Variants in STT3B observed in about 807,000 individuals in gnomAD.
STT3B encodes dolichyl-diphosphooligosaccharide--protein glycosyltransferase subunit STT3B.
STT3B carries 29 observed loss-of-function variants against 96.8 expected under a neutral mutation model. The observed-to-expected ratio is 0.30, with a 90% CI of 0.22 to 0.41. STT3B has a LOEUF of 0.41. Among genes scored for constraint, STT3B ranks in the 10% least tolerant of loss-of-function variants. The probability of loss-of-function intolerance (pLI) is 1.00; values close to 1 mark genes in which losing one functional copy is unlikely to be tolerated. For missense variants in STT3B, 640 were observed against 1,022.3 expected (o/e 0.63, Z 5.10); for synonymous variants, 367 against 360.0 (o/e 1.02, Z -0.22).
At chr3:31,593,069 TG>T (rs1378556876) in intron 3 of STT3B, among the ~76,000 whole-genome samples, 2 of 152,230 alleles carry the variant, frequency 1.3e-5, no homozygotes, top group African/African-American at 4.8e-5. Context: ...GTGCAATTAT[TG>T]TCTAGGTGGG....
intron 1 of STT3B, chr3:31,533,571 C>T (rs1457319026): frequency 4.3e-5 from 13 of 304,894 alleles, no homozygotes; most frequent in South Asian, 1.2e-4. Context: ...TGAAGACTGC[C>T]AGGAGTGTGG....
At chr3:31,569,244 A>C (rs1322517787) in intron 1 of STT3B, among the ~76,000 whole-genome samples, 1 of 152,092 alleles carries the variant, frequency 6.6e-6, no homozygotes, top group Non-Finnish European at 1.5e-5. Flanking sequence ...CTCCTGCCTC[A>C]GGCTCCCAAG....
At chr3:31,590,513 G>A (rs944507760) in intron 3 of STT3B, among the ~76,000 whole-genome samples, 11 of 151,724 alleles carry the variant, frequency 7.3e-5, no homozygotes, top group African/African-American at 2.4e-4. Flanking sequence ...AATATTCTTC[G>A]AATTCATAGT....
At chr3:31,589,697 T>G (rs547872003) in intron 3 of STT3B, among the ~76,000 whole-genome samples, 2 of 152,162 alleles carry the variant, frequency 1.3e-5, no homozygotes, top group Non-Finnish European at 1.5e-5. Flanking sequence ...TGATCATATA[T>G]TCTGTGACCT....
At chr3:31,578,518 A>T (rs1471726111) in intron 2 of STT3B, among the ~76,000 whole-genome samples, 1 of 151,450 alleles carries the variant, frequency 6.6e-6, no homozygotes, top group Non-Finnish European at 1.5e-5. Context: ...TATTATATGG[A>T]TATATTGTCT....
intron 1 of STT3B, among the ~76,000 whole-genome samples, chr3:31,557,460 G>T (rs1395130808): frequency 6.6e-6 from 1 of 151,896 alleles, no homozygotes; most frequent in Non-Finnish European, 1.5e-5. Flanking sequence ...ATACTGCTTT[G>T]GGCAGTATGC....
intron 1 of STT3B, among the ~76,000 whole-genome samples, chr3:31,575,979 A>C (rs1371598888): frequency 6.6e-6 from 1 of 151,660 alleles, no homozygotes; most frequent in African/African-American, 2.4e-5. Context: ...GCTATGGTTT[A>C]TTCTCTTTAT....
rs188656509 is a variant in STT3B, at chr3:31,542,316, G to A, written c.314+9004G>A. Among the ~76,000 whole-genome samples the A allele has an allele frequency of 4.6e-5, 7 of 152,324 alleles. No homozygotes were observed. The East Asian group carries it at 1.4e-3, about 29-fold the overall frequency. On this transcript the variant is annotated intron_variant, in intron 1 of 15. Transcript: ENST00000295770. ...CAGGAAAGAGAATACTGGAACTGGA[G>A]GTCTGAGCTGAGGAATTTAGGAAAA...
chr3:31,551,681 T>C (rs1377377324), intron 1 of STT3B, among the ~76,000 whole-genome samples: 1 of 152,206 alleles, frequency 6.6e-6, no homozygotes, highest in South Asian at 2.1e-4. Context: ...TTTGTAAATC[T>C]TTACAGAAAG....
intron 3 of STT3B, among the ~76,000 whole-genome samples, chr3:31,594,291 T>G (rs1698736285): frequency 6.6e-6 from 1 of 152,164 alleles, no homozygotes; most frequent in East Asian, 1.9e-4. Context: ...ACTGTCTGTC[T>G]GGAGATAGCA....
intron 1 of STT3B, among the ~76,000 whole-genome samples, chr3:31,547,806 T>G (rs1327988367): frequency 6.6e-6 from 1 of 152,168 alleles, no homozygotes; most frequent in Non-Finnish European, 1.5e-5. Context: ...ACCTTCAAAT[T>G]AGGAAGATTT....
chr3:31,579,271 C>A (rs1380080969), intron 2 of STT3B, among the ~76,000 whole-genome samples: 1 of 151,956 alleles, frequency 6.6e-6, no homozygotes, highest in Non-Finnish European at 1.5e-5. Flanking sequence ...CCTAGCTAGA[C>A]TGTTCCCTCT....
chr3:31,573,499 A>G (rs941144663), intron 1 of STT3B, among the ~76,000 whole-genome samples: 2 of 152,234 alleles, frequency 1.3e-5, no homozygotes, highest in East Asian at 1.9e-4. Flanking sequence ...GGAAGTGACA[A>G]CCTTGTTATG....
At chr3:31,601,967 G>A (rs1171696648) in intron 5 of STT3B, among the ~76,000 whole-genome samples, 2 of 152,110 alleles carry the variant, frequency 1.3e-5, no homozygotes, top group Non-Finnish European at 2.9e-5. Context: ...TGGCTTTAAA[G>A]CCTGTAATGA....
chr3:31,618,038 T>C (rs1699347581), intron 8 of STT3B, 50 bp downstream of exon 8: 2 of 1,257,570 alleles, frequency 1.6e-6, no homozygotes, highest in African/African-American at 3.0e-5. Context: ...ATACTGCTTT[T>C]CCTTTGTTTT....
chr3:31,547,654 G>T (rs993564046), intron 1 of STT3B, among the ~76,000 whole-genome samples: 14 of 152,158 alleles, frequency 9.2e-5, no homozygotes, highest in African/African-American at 3.1e-4. Context: ...TCAGAAGAAC[G>T]CTGTAGGCAC....
At chr3:31,596,981 C>A in intron 4 of STT3B, 118 bp downstream of exon 4, 1 of 753,106 alleles carries the variant, frequency 1.3e-6, no homozygotes, top group Non-Finnish European at 2.2e-6. Context: ...TTCATTACTA[C>A]CATCCTCTTT....
chr3:31,534,448 TA>T (rs1697035148), intron 1 of STT3B, among the ~76,000 whole-genome samples: 1 of 152,218 alleles, frequency 6.6e-6, no homozygotes, highest in African/African-American at 2.4e-5. Flanking sequence ...CCTTTTAAAC[TA>T]GTGTTATCTT....
chr3:31,600,254 C>T, intron 4 of STT3B, 106 bp from the exon 5 acceptor site: 1 of 455,078 alleles, frequency 2.2e-6, no homozygotes, highest in Non-Finnish European at 3.8e-6. Context: ...CTCAAAATTG[C>T]TAAAATCTTA....
Sources: gnomAD v4.1 joint callset for allele counts (sites outside exome capture counted in the v4.1 genomes callset) on GRCh38, gnomAD v4.1.1 for gene constraint, MANE v1.5 for transcripts, NCBI Gene and HGNC (gene_info 2026-07-23, HGNC 2026-07-21) for gene names.